The following TK2 variants were observed in gnomAD, a reference collection of about 807,000 sequenced individuals.
TK2 encodes thymidine kinase 2, also known as thymidine kinase 2, mitochondrial.
A neutral mutation model predicts 41.9 loss-of-function variants in TK2; 35 were observed. The ratio of observed to expected loss-of-function variants is 0.84; its 90% CI spans 0.64 to 1.11. The LOEUF (loss-of-function observed/expected upper bound fraction) is 1.11, where lower values mean the gene tolerates loss of function less well. Ranked by LOEUF, TK2 falls within the 50% of genes least tolerant of loss-of-function variation. The pLI, the probability that TK2 is intolerant of heterozygous loss-of-function variation, is 0.00. For synonymous variants in TK2, 128 were observed against 129.1 expected (o/e 0.99, Z 0.06); for missense variants, 320 against 351.1 (o/e 0.91, Z 0.71).
intron 2 of TK2, among the ~76,000 whole-genome samples, chr16:66,547,246 T>C (rs1965637386): frequency 1.3e-5 from 2 of 152,066 alleles, no homozygotes; most frequent in African/African-American, 4.8e-5. Flanking sequence ...GCTTTCCCAC[T>C]CAGCTGCGGG....
At chr16:66,545,880 C>T (rs77176933) in intron 2 of TK2, among the ~76,000 whole-genome samples, 10,449 of 151,900 alleles carry the variant, frequency 0.069, 511 homozygotes, top group South Asian at 0.17. Context: ...AAAGATCCCA[C>T]GCTATATGTT....
At chr16:66,516,756 G>C (rs979190931) in intron 8 of TK2, among the ~76,000 whole-genome samples, 1 of 152,120 alleles carries the variant, frequency 6.6e-6, no homozygotes, top group African/African-American at 2.4e-5. Flanking sequence ...CAAGAGGGCT[G>C]GGTCCTGCCC....
At position 66,514,684 on chromosome 16, in the gene TK2, A is replaced by G. The variant is rs1016830169; in HGVS notation, c.619-873T>C. On this transcript the variant is annotated intron_variant, in intron 8 of 9. Coordinates refer to ENST00000544898, the MANE Select transcript of TK2 (RefSeq NM_004614.5). This position sits in a 1 kb window ranked among gnomAD's most constrained non-coding sequence, Gnocchi z 4.2. The stretch of plus-strand genomic sequence containing the variant: ...GTCTGGGAGGTGTACCCAATAGCTC[A>G]TTGAGAACGGGCCATGATGACGATG... Among the ~76,000 whole-genome samples the G allele has an allele frequency of 2.6e-5, 4 of 152,172 alleles. No homozygotes were observed. The highest frequency in any genetic ancestry group is 9.7e-5 in the African/African-American group (4 of 41,444).
chr16:66,520,017 C>T (rs888094380), intron 6 of TK2, among the ~76,000 whole-genome samples: 1 of 152,222 alleles, frequency 6.6e-6, no homozygotes, highest in African/African-American at 2.4e-5. Context: ...TCTGAGACCA[C>T]CCCCATGTCC....
intron 4 of TK2, among the ~76,000 whole-genome samples, chr16:66,536,381 G>T (rs1405502726): frequency 6.6e-6 from 1 of 152,064 alleles, no homozygotes; most frequent in Non-Finnish European, 1.5e-5. Flanking sequence ...TCTCTTGCAG[G>T]ACCCAGATTC....
chr16:66,549,347 G>T (rs529639429), intron 1 of TK2: 1 of 1,152,178 alleles, frequency 8.7e-7, no homozygotes, highest in Non-Finnish European at 1.1e-6. Context: ...GGTGCACGGG[G>T]AAGAGTGGGC....
chr16:66,528,859 A>G, intron 6 of TK2, 135 bp downstream of exon 6: 1 of 833,300 alleles, frequency 1.2e-6, no homozygotes, highest in Non-Finnish European at 2.0e-6. Flanking sequence ...GCTGTTTGTT[A>G]CACCGCATTG....
At chr16:66,546,903 C>T (rs1047756172) in intron 2 of TK2, among the ~76,000 whole-genome samples, 19 of 152,064 alleles carry the variant, frequency 1.2e-4, no homozygotes, top group African/African-American at 4.1e-4. Flanking sequence ...TGGTGCATGC[C>T]ACCATGCCCA....
At chr16:66,540,556 C>T (rs1965429100) in intron 3 of TK2, among the ~76,000 whole-genome samples, 1 of 152,158 alleles carries the variant, frequency 6.6e-6, no homozygotes, top group South Asian at 2.1e-4. Context: ...GAAATTGTAG[C>T]TTCTGTAGTA....
intron 3 of TK2, among the ~76,000 whole-genome samples, chr16:66,540,173 C>CTTTTTTTTTTTTTTTTTTTTTT (rs200305417): frequency 7.6e-5 from 10 of 130,782 alleles, no homozygotes; most frequent in Admixed American, 4.1e-4. Context: ...TTTCTTTTTT[C>CTTTTTTTTTTTTTTTTTTTTTT]TTTTTTTTTT....
In TK2 at chr16:66,536,986, T is replaced by C. The variant is rs1386108008; in HGVS notation, c.263A>G (p.Asn88Ser). Reference protein sequence around the residue: ...VLTEPVSKWRNVRGHNPLGLM... With the variant: ...VLTEPVSKWRSVRGHNPLGLM... ...CACCAGAGGATTGTGGCCACGGACA[T>C]TTCTCCACTTGGACACAGGCTCCGT... The change falls in exon 4 of 10, where the codon AAT becomes AGT. Residue 88 changes from asparagine (N) to serine (S), a missense_variant. Asn to Ser is a conservative substitution (Grantham distance 46). Transcript: ENST00000544898. 1.9e-6 allele frequency: 3 copies of C among 1,613,980 alleles called. No individual in the cohort carries two copies. The highest frequency in any genetic ancestry group is 1.7e-6 in the Non-Finnish European group (2 of 1,179,990).
At chr16:66,548,821 C>T (rs1567543096) in intron 2 of TK2, 157 bp downstream of exon 2, 2 of 705,560 alleles carry the variant, frequency 2.8e-6, no homozygotes, top group Non-Finnish European at 2.5e-6. Context: ...ACAGAGGTGG[C>T]CTTCTAGGAG....
At chr16:66,545,094 C>CA (rs56368554) in intron 2 of TK2, among the ~76,000 whole-genome samples, 8,218 of 75,572 alleles carry the variant, frequency 0.11, 715 homozygotes, top group African/African-American at 0.28. Flanking sequence ...ACCCTGTCTT[C>CA]AAAAAAAAAA....
At chr16:66,520,565 G>A (rs1003850906) in intron 6 of TK2, among the ~76,000 whole-genome samples, 3 of 152,192 alleles carry the variant, frequency 2.0e-5, no homozygotes, top group Non-Finnish European at 4.4e-5. Context: ...ACTTCCGCAC[G>A]CTTAGGGAAG....
intron 3 of TK2, among the ~76,000 whole-genome samples, chr16:66,539,335 A>C (rs973412195): frequency 6.6e-6 from 1 of 152,082 alleles, no homozygotes; most frequent in Non-Finnish European, 1.5e-5. Flanking sequence ...ACGGTGGCTC[A>C]CGCCTGTAAT....
At chr16:66,532,207 G>GATTACA (rs1458501319) in intron 4 of TK2, among the ~76,000 whole-genome samples, 1 of 150,146 alleles carries the variant, frequency 6.7e-6, no homozygotes, top group African/African-American at 2.4e-5. Flanking sequence ...AATACCACAG[G>GATTACA]ATACAAATCA....
intron 6 of TK2, among the ~76,000 whole-genome samples, chr16:66,525,804 A>T (rs1964913777): frequency 6.6e-6 from 1 of 152,234 alleles, no homozygotes; most frequent in Non-Finnish European, 1.5e-5. Context: ...GGACACTGTA[A>T]GTTTCTTCTG....
rs571096469 is a variant in TK2, at chr16:66,519,571, A to G, written c.450-1694T>C. 2.0e-5 allele frequency among the ~76,000 whole-genome samples: 3 copies of G among 152,374 alleles called. No individual in the cohort carries two copies. The East Asian group carries it at 5.8e-4, about 29-fold the overall frequency. Reference sequence around the variant, plus strand: ...AGCCAGGGTGAAGGAGAAATCTGGCATCTATTCCTGGTATTCCTGTGGGTT... The same window carrying G: ...AGCCAGGGTGAAGGAGAAATCTGGCGTCTATTCCTGGTATTCCTGTGGGTT... On this transcript the variant is annotated intron_variant, in intron 6 of 9. Transcript: ENST00000544898.
chr16:66,537,705 G>A (rs1965329959), intron 3 of TK2, among the ~76,000 whole-genome samples: 1 of 152,240 alleles, frequency 6.6e-6, no homozygotes, highest in African/African-American at 2.4e-5. Context: ...CTCTGCTAGA[G>A]CCTTTCTGGG....
Sources: allele counts gnomAD v4.1 joint callset (sites outside exome capture counted in the v4.1 genomes callset), GRCh38; gene constraint gnomAD v4.1.1; non-coding constraint Gnocchi (gnomAD v3.1); transcripts MANE v1.5; gene names NCBI Gene and HGNC (gene_info 2026-07-23, HGNC 2026-07-21).